LTBP1: variants seen among roughly 807,000 people sequenced by gnomAD.
LTBP1 encodes the protein latent transforming growth factor beta binding protein 1.
In LTBP1, 129 loss-of-function variants were observed where a neutral mutation model predicts 207.6. The observed-to-expected ratio is 0.62, with a 90% confidence interval of 0.54 to 0.72. The LOEUF (loss-of-function observed/expected upper bound fraction) is 0.72. LTBP1 is among the 30% of genes least tolerant of loss of function. The pLI is 0.00. For missense variants in LTBP1, 2,281 were observed against 2,217.2 expected (o/e 1.03, Z -0.58); for synonymous variants, 963 against 833.7 (o/e 1.16, Z -2.67).
intron 3 of LTBP1, among the ~76,000 whole-genome samples, chr2:33,053,160 C>T (rs985011480): frequency 3.3e-5 from 5 of 152,278 alleles, no homozygotes; most frequent in Admixed American, 6.5e-5. Context: ...CGTAAGCCAC[C>T]GCGCCTGGCC....
Position 33,301,660 on chromosome 2 carries a change from G to T in LTBP1, c.3481+16G>T. 1 of 1,566,446 alleles carries T rather than the reference G, an allele frequency of 6.4e-7. No homozygotes were observed. The highest frequency in any genetic ancestry group is 8.6e-7 in the Non-Finnish European group (1 of 1,159,024). On this transcript the variant is annotated intron_variant, in intron 22 of 33. Coordinates refer to ENST00000404816, the MANE Select transcript of LTBP1 (RefSeq NM_206943.4). Reference sequence around the variant, plus strand: ...CACTGTGAAGGTAAGAATTGCTCCTGATTTCAGAATCATAAAATGCCCAGA... The same window carrying T: ...CACTGTGAAGGTAAGAATTGCTCCTTATTTCAGAATCATAAAATGCCCAGA...
At chr2:33,023,346 A>G (rs1025938245) in intron 3 of LTBP1, among the ~76,000 whole-genome samples, 2 of 152,202 alleles carry the variant, frequency 1.3e-5, no homozygotes, top group African/African-American at 2.4e-5. Flanking sequence ...TAAGAACCGT[A>G]TGTCGGATGT....
chr2:33,245,087 T>G (rs1033350655), intron 10 of LTBP1, among the ~76,000 whole-genome samples: 15 of 152,068 alleles, frequency 9.9e-5, no homozygotes, highest in African/African-American at 3.4e-4. Flanking sequence ...GCCATATTGG[T>G]CAGGCTGGTC....
intron 12 of LTBP1, among the ~76,000 whole-genome samples, chr2:33,258,115 G>A (rs1482975347): frequency 6.6e-6 from 1 of 152,172 alleles, no homozygotes; most frequent in Non-Finnish European, 1.5e-5. Context: ...CAAGGAAATA[G>A]TTTAAGGCTT....
chr2:33,090,319 C>A (rs767191900), intron 3 of LTBP1, among the ~76,000 whole-genome samples: 1 of 152,168 alleles, frequency 6.6e-6, no homozygotes, highest in Non-Finnish European at 1.5e-5. Context: ...ATCAGTAACT[C>A]ACTTGGTGGG....
chr2:33,310,840 T>C (rs2094175273), intron 23 of LTBP1, among the ~76,000 whole-genome samples: 1 of 152,230 alleles, frequency 6.6e-6, no homozygotes, highest in South Asian at 2.1e-4. Flanking sequence ...AGTAAACCCA[T>C]GTTTATATTT....
intron 2 of LTBP1, among the ~76,000 whole-genome samples, chr2:32,956,940 T>C (rs920975009): frequency 6.6e-6 from 1 of 152,208 alleles, no homozygotes; most frequent in Non-Finnish European, 1.5e-5. Flanking sequence ...AGGTGCATAG[T>C]CAGTGAGGAG....
At chr2:33,180,819 A>G (rs1290518372) in intron 5 of LTBP1, among the ~76,000 whole-genome samples, 1 of 152,158 alleles carries the variant, frequency 6.6e-6, no homozygotes, top group African/African-American at 2.4e-5. Context: ...TATATAACAT[A>G]TTTGTTATCC....
rs765418304 is a variant in LTBP1, at chr2:33,113,129, C to T, written c.1033+2378C>T. On this transcript the variant is annotated intron_variant, in intron 4 of 33. Coordinates refer to ENST00000404816, the MANE Select transcript of LTBP1 (RefSeq NM_206943.4). ...TGAGAAGCTATGGGAACTAGAGAAG[C>T]GGTTGAAAACTAGAGGTTGGCAATA... Among the ~76,000 whole-genome samples the T allele has an allele frequency of 2.0e-5, 3 of 152,086 alleles. No homozygotes were observed. The East Asian group carries it at 5.8e-4, about 29-fold the overall frequency.
intron 5 of LTBP1, among the ~76,000 whole-genome samples, chr2:33,139,393 A>G (rs979949431): frequency 3.3e-5 from 5 of 152,222 alleles, no homozygotes; most frequent in African/African-American, 9.7e-5. Context: ...TAAGATAAGC[A>G]AATCATAAAG....
At chr2:33,385,207 G>A (rs1445770930) in intron 31 of LTBP1, among the ~76,000 whole-genome samples, 1 of 152,114 alleles carries the variant, frequency 6.6e-6, no homozygotes, top group Non-Finnish European at 1.5e-5. Context: ...GGAAGTCTAG[G>A]AAGACTTCTC....
intron 3 of LTBP1, among the ~76,000 whole-genome samples, chr2:33,043,032 A>G (rs951984676): frequency 2.6e-5 from 4 of 152,232 alleles, no homozygotes; most frequent in Middle Eastern, 3.4e-3. Flanking sequence ...GAGTATTTTT[A>G]TGGGGAATGG....
At chr2:33,110,092 C>G (rs1323214837) in intron 3 of LTBP1, among the ~76,000 whole-genome samples, 1 of 152,104 alleles carries the variant, frequency 6.6e-6, no homozygotes, top group Non-Finnish European at 1.5e-5. Flanking sequence ...ACATCTTTGT[C>G]TTTATTCCCT....
At chr2:33,095,305 G>C (rs895695687) in intron 3 of LTBP1, among the ~76,000 whole-genome samples, 1 of 152,106 alleles carries the variant, frequency 6.6e-6, no homozygotes, top group Non-Finnish European at 1.5e-5. Context: ...ACTAAAGAAA[G>C]AAGGGACCCC....
chr2:33,088,176 G>A (rs914635314), intron 3 of LTBP1, among the ~76,000 whole-genome samples: 20 of 152,322 alleles, frequency 1.3e-4, no homozygotes, highest in African/African-American at 4.8e-4. Context: ...ACAGTGAGCC[G>A]GGCGCGGTGG....
At chr2:33,165,956 A>G (rs894998192) in intron 5 of LTBP1, among the ~76,000 whole-genome samples, 8 of 152,104 alleles carry the variant, frequency 5.3e-5, no homozygotes, top group Admixed American at 3.9e-4. Flanking sequence ...TGTAAAATGC[A>G]TTCTTCTTTC....
At chr2:33,075,424 CA>C (rs2078029526) in intron 3 of LTBP1, among the ~76,000 whole-genome samples, 1 of 152,088 alleles carries the variant, frequency 6.6e-6, no homozygotes, top group Non-Finnish European at 1.5e-5. Context: ...ATTTAAACTT[CA>C]AATTTTGAAA....
Position 33,096,251 on chromosome 2 carries a change from T to C in LTBP1, c.864-14331T>C, listed in dbSNP as rs1181715537. The stretch of plus-strand genomic sequence containing the variant: ...TTTTAAAGTGCTAGAAAATAAACTA[T>C]CTATACTCAGAATTCTGTATCCAAA... On this transcript the variant is annotated intron_variant, in intron 3 of 33. Transcript: ENST00000404816. 5.9e-5 allele frequency among the ~76,000 whole-genome samples: 9 copies of C among 152,166 alleles called. No homozygotes were observed. The East Asian group carries it at 9.6e-4, about 16-fold the overall frequency.
intron 5 of LTBP1, among the ~76,000 whole-genome samples, chr2:33,183,798 C>T (rs1324281803): frequency 6.6e-6 from 1 of 152,198 alleles, no homozygotes; most frequent in East Asian, 1.9e-4. Context: ...ATTGATTCAA[C>T]CTTGGAGTCA....
Sources: gnomAD v4.1 joint callset for allele counts (sites outside exome capture counted in the v4.1 genomes callset) on GRCh38, gnomAD v4.1.1 for gene constraint, MANE v1.5 for transcripts, NCBI Gene and HGNC (gene_info 2026-07-23, HGNC 2026-07-21) for gene names.